DPP3: variants seen among roughly 807,000 people sequenced by gnomAD.
The protein encoded by DPP3 is DPP III.
DPP3 carries 64 observed loss-of-function variants against 89.8 expected under a neutral mutation model. The ratio of observed to expected loss-of-function variants is 0.71; its 90% CI spans 0.58 to 0.88. DPP3 has a LOEUF of 0.88. DPP3 is among the 40% of genes least tolerant of loss of function. The probability of loss-of-function intolerance (pLI) is 0.00; values close to 1 mark genes in which losing one functional copy is unlikely to be tolerated. For missense variants in DPP3, 835 were observed against 972.5 expected, an observed-to-expected ratio of 0.86 and a Z score of 1.88; for synonymous variants, 377 against 404.3, an observed-to-expected ratio of 0.93 and a Z score of 0.81.
intron 6 of DPP3, among the ~76,000 whole-genome samples, chr11:66,489,129 T>C (rs1216548585): frequency 3.3e-5 from 5 of 152,202 alleles, no homozygotes; most frequent in Non-Finnish European, 7.3e-5. Flanking sequence ...GGCCTCCCAG[T>C]GTGCTGGATT....
At chr11:66,486,839 A>G (rs1260929703) in intron 4 of DPP3, among the ~76,000 whole-genome samples, 162 bp downstream of exon 4, 1 of 152,120 alleles carries the variant, frequency 6.6e-6, no homozygotes, top group Non-Finnish European at 1.5e-5. Flanking sequence ...TCATCTGTAG[A>G]ATGGTAAGCA....
chr11:66,481,972 G>T, intron 1 of DPP3: 1 of 628,054 alleles, frequency 1.6e-6, no homozygotes, highest in Non-Finnish European at 2.7e-6. Context: ...TAAGGTTTAG[G>T]GACTACAGAC....
chr11:66,489,591 A>G (rs1855321546), intron 6 of DPP3, among the ~76,000 whole-genome samples: 2 of 152,240 alleles, frequency 1.3e-5, no homozygotes, highest in African/African-American at 4.8e-5. Context: ...CGAGTGGGTC[A>G]TAATCTATTG....
At chr11:66,483,725 A>G (rs1011729431) in intron 2 of DPP3, among the ~76,000 whole-genome samples, 1 of 152,198 alleles carries the variant, frequency 6.6e-6, no homozygotes, top group Non-Finnish European at 1.5e-5. Context: ...CTGTTAAATC[A>G]TCTTCTAAAA....
At chr11:66,502,474 AT>A (rs60044594) in intron 16 of DPP3, among the ~76,000 whole-genome samples, 31,241 of 141,888 alleles carry the variant, frequency 0.22, 3,656 homozygotes, top group East Asian at 0.27. Flanking sequence ...TGCCCAGCTA[AT>A]TTTTTTTTTT....
At position 66,486,645 on chromosome 11, in the gene DPP3, C is replaced by G. The variant is rs780366449; in HGVS notation, c.466C>G (p.Pro156Ala). The G allele has an allele frequency of 1.3e-6, 2 of 1,572,542 alleles. No individual in the cohort carries two copies. Among genetic ancestry groups the G allele is most frequent in the Non-Finnish European group, 1.7e-6 (2 of 1,158,534 alleles). Residue 156 changes from proline to alanine, a missense_variant, in exon 4 of 18, where the codon CCA becomes GCA. Coordinates refer to ENST00000531863, the MANE Select transcript of DPP3 (RefSeq NM_130443.4). ...TCGELMFSLE[P>A]RLRHLGLGKE... ...CGGGGAGCTTATGTTCTCTCTGGAG[C>G]CAAGGCTTCGACACCTCGGACTGGG...
Position 66,509,399 on chromosome 11 carries a change from T to G in DPP3, c.*148T>G, listed in dbSNP as rs1855890848. 2 of 1,537,274 alleles carry G rather than the reference T, an allele frequency of 1.3e-6. No individual in the cohort carries two copies. The highest frequency in any genetic ancestry group is 2.4e-5 in the South Asian group (2 of 84,056). ...AGCTGAGGGTGGTGACACAACCCCT[T>G]CCATTTGTCAGCACTTTCCAGCCTG... On this transcript the variant is annotated 3_prime_UTR_variant, in exon 18 of 18. Transcript: ENST00000531863.
chr11:66,497,176 G>A (rs1400589629), intron 15 of DPP3, 122 bp from the exon 16 acceptor site: 3 of 1,224,356 alleles, frequency 2.5e-6, no homozygotes, highest in Non-Finnish European at 3.4e-6. Context: ...AATAACAGTT[G>A]CCAGTTAATG....
intron 16 of DPP3, among the ~76,000 whole-genome samples, chr11:66,500,116 G>A (rs531499096): frequency 1.3e-5 from 2 of 152,130 alleles, no homozygotes; most frequent in Non-Finnish European, 2.9e-5. Flanking sequence ...CACTTTGGGA[G>A]GCCAAGGCAG....
intron 16 of DPP3, among the ~76,000 whole-genome samples, chr11:66,501,252 C>T (rs1187643877): frequency 6.6e-6 from 1 of 150,874 alleles, no homozygotes; most frequent in Non-Finnish European, 1.5e-5. Flanking sequence ...CCAAGCTACT[C>T]GGGAAGCTGA....
intron 17 of DPP3, among the ~76,000 whole-genome samples, chr11:66,508,151 T>G (rs564928212): frequency 1.3e-5 from 2 of 152,348 alleles, no homozygotes; most frequent in South Asian, 4.1e-4. Context: ...TGCTCTTTGC[T>G]GCTGTGCAGC....
chr11:66,501,825 C>CAAAAAAA lies in DPP3; in HGVS notation c.1879-2778_1879-2772dup, dbSNP rs35196491. Among the ~76,000 whole-genome samples the CAAAAAAA allele has an allele frequency of 7.7e-3, 652 of 84,348 alleles. 12 individuals carry two copies. Among genetic ancestry groups the CAAAAAAA allele is most frequent in the African/African-American group, 0.027 (563 of 21,128 alleles). The allele number at this position is 84,348 out of a possible 152,430, so 55.3% of individuals were successfully genotyped here. ...GGGTAATAGACTGAGACTTTGTCTC[C>CAAAAAAA]AAAAAAAAAAAAAAAGCAGGCAAGA... is the stretch of plus-strand genomic sequence containing the variant. On this transcript the variant is annotated intron_variant, in intron 16 of 17. Transcript: ENST00000531863.
chr11:66,488,638 G>C (rs1010880390), intron 6 of DPP3, among the ~76,000 whole-genome samples: 1 of 152,076 alleles, frequency 6.6e-6, no homozygotes, highest in African/African-American at 2.4e-5. Context: ...GTGGGGCCTG[G>C]GGTGGTATTC....
chr11:66,487,425 G>C, intron 5 of DPP3, 83 bp downstream of exon 5: 1 of 1,417,488 alleles, frequency 7.1e-7, no homozygotes, highest in Non-Finnish European at 9.9e-7. Flanking sequence ...GACCACTCCT[G>C]GGTCTCTGCT....
Position 66,485,168 on chromosome 11 carries a change from C to A in DPP3, c.271-5C>A, listed in dbSNP as rs187082477. ...CTGGGTCTCTGATGCCTGCCTCCCC[C>A]TCAGGCGTTCCTGGTCTATGCCGCG... On this transcript the variant is annotated splice_polypyrimidine_tract_variant and splice_region_variant and intron_variant, in intron 2 of 17. Transcript: ENST00000531863. 710 of 1,614,098 alleles carry A rather than the reference C, an allele frequency of 4.4e-4. 2 individuals are homozygous for A. The African/African-American group carries it at 7.0e-3, about 16-fold the overall frequency.
Position 66,509,657 on chromosome 11 carries a change from A to T in DPP3, c.*406A>T. 2.2e-6 allele frequency: 1 copy of T among 455,874 alleles called. No homozygotes were observed. The highest frequency in any genetic ancestry group is 1.9e-5 in the South Asian group (1 of 51,986). The allele number at this position is 455,874 out of a possible 1,614,324, so 28.2% of individuals were successfully genotyped here. Reference sequence around the variant, plus strand: ...CAAATAAATATTAGAGACAACCACCATCTTTGCGGCGTGTGTGGCTCCTCC... The same window carrying T: ...CAAATAAATATTAGAGACAACCACCTTCTTTGCGGCGTGTGTGGCTCCTCC... On this transcript the variant is annotated 3_prime_UTR_variant, in exon 18 of 18. Coordinates refer to ENST00000531863, the MANE Select transcript of DPP3 (RefSeq NM_130443.4).
intron 16 of DPP3, among the ~76,000 whole-genome samples, chr11:66,498,643 C>T (rs1286983922): frequency 6.6e-6 from 1 of 152,162 alleles, no homozygotes; most frequent in Non-Finnish European, 1.5e-5. Context: ...GAAACAGCCC[C>T]AGAGAGAAGG....
chr11:66,507,514 G>A (rs370302373), intron 17 of DPP3, among the ~76,000 whole-genome samples: 2 of 151,826 alleles, frequency 1.3e-5, no homozygotes, highest in East Asian at 3.9e-4. Context: ...TACAAGGGAA[G>A]TGTTAATGAG....
intron 2 of DPP3, 53 bp downstream of exon 2, chr11:66,482,523 G>A: frequency 6.3e-7 from 1 of 1,579,322 alleles, no homozygotes; most frequent in Non-Finnish European, 8.6e-7. Context: ...GGGTGTGAAA[G>A]ACCAGGATGC....
Sources: allele counts gnomAD v4.1 joint callset (sites outside exome capture counted in the v4.1 genomes callset), GRCh38; gene constraint gnomAD v4.1.1; transcripts MANE v1.5; gene names NCBI Gene and HGNC (gene_info 2026-07-23, HGNC 2026-07-21).